ANO3: variants seen among roughly 807,000 people sequenced by gnomAD.
ANO3 encodes anoctamin 3, also known as anoctamin-3.
Under a neutral mutation model 144.8 loss-of-function variants are expected in ANO3, and 99 were observed. That is an observed-to-expected ratio of 0.68 (90% CI 0.58 to 0.81). The LOEUF is 0.81. ANO3 is among the 30% of genes least tolerant of loss of function. The pLI is 0.00. For missense variants in ANO3, 905 were observed against 1,202.2 expected (o/e 0.75, Z 3.66); for synonymous variants, 414 against 392.6 (o/e 1.05, Z -0.64).
chr11:26,407,072 G>GTATATATATATATATATATA (rs1453977441), intron 1 of ANO3, among the ~76,000 whole-genome samples: 1 of 101,426 alleles, frequency 9.9e-6, no homozygotes, highest in Non-Finnish European at 2.1e-5. Context: ...GTGTGTGTGT[G>GTATATATATATATATATATA]TGTGTATATA....
chr11:26,651,131 T>C (rs1163377309), intron 24 of ANO3, among the ~76,000 whole-genome samples: 1 of 152,156 alleles, frequency 6.6e-6, no homozygotes, highest in Non-Finnish European at 1.5e-5. Flanking sequence ...AAAAAATATG[T>C]CAATATTTGG....
At chr11:26,416,633 G>A (rs1398387757) in intron 1 of ANO3, among the ~76,000 whole-genome samples, 1 of 151,844 alleles carries the variant, frequency 6.6e-6, no homozygotes, top group Non-Finnish European at 1.5e-5. Flanking sequence ...CACCATGTTG[G>A]CCAGGATGGT....
At chr11:26,240,462 C>T (rs991466999) in intron 1 of ANO3, among the ~76,000 whole-genome samples, 43 of 152,222 alleles carry the variant, frequency 2.8e-4, no homozygotes, top group South Asian at 8.3e-4. Flanking sequence ...ATTTCAAAGA[C>T]GCTGAGTATG....
chr11:26,587,329 T>C (rs557454216), intron 14 of ANO3, among the ~76,000 whole-genome samples: 11 of 152,310 alleles, frequency 7.2e-5, no homozygotes, highest in Admixed American at 7.2e-4. Context: ...TTTCCTCCTA[T>C]GTTTATACAA....
At chr11:26,472,328 A>G (rs1042160551) in intron 4 of ANO3, among the ~76,000 whole-genome samples, 6 of 152,110 alleles carry the variant, frequency 3.9e-5, no homozygotes, top group South Asian at 2.1e-4. Flanking sequence ...ACAACAGCTA[A>G]CATTTACCAG....
At chr11:26,566,181 T>A (rs1850575824) in intron 14 of ANO3, among the ~76,000 whole-genome samples, 1 of 151,880 alleles carries the variant, frequency 6.6e-6, no homozygotes, top group South Asian at 2.1e-4. Flanking sequence ...TGGGAAAAGG[T>A]GGAAGAAAAC....
At chr11:26,562,990 A>C (rs887276887) in intron 14 of ANO3, 1 of 1,321,218 alleles carries the variant, frequency 7.6e-7, no homozygotes, top group Non-Finnish European at 1.0e-6. Flanking sequence ...GGATCAGAAT[A>C]AGTCTTTAGT....
At chr11:26,271,304 A>G (rs1035847047) in intron 1 of ANO3, among the ~76,000 whole-genome samples, 1 of 152,244 alleles carries the variant, frequency 6.6e-6, no homozygotes, top group African/African-American at 2.4e-5. Context: ...TTTGAAACAG[A>G]TACATCTTAT....
At chr11:26,563,275 A>C in intron 14 of ANO3, 2 of 1,569,230 alleles carry the variant, frequency 1.3e-6, no homozygotes, top group Non-Finnish European at 8.6e-7. Flanking sequence ...TCTACAGGAC[A>C]AAAAAAATTT....
chr11:26,352,134 T>C (rs1038130810), intron 1 of ANO3, among the ~76,000 whole-genome samples: 4 of 152,146 alleles, frequency 2.6e-5, no homozygotes, highest in Admixed American at 2.6e-4. Context: ...AAAATAAATT[T>C]TCATTAGTAA....
chr11:26,471,483 AAAT>A (rs754752961), intron 4 of ANO3, among the ~76,000 whole-genome samples: 9 of 152,126 alleles, frequency 5.9e-5, no homozygotes, highest in East Asian at 1.9e-4. Context: ...CCTTAGGATC[AAAT>A]AATAATAAGT....
chr11:26,559,934 A>G (rs1414783321), intron 14 of ANO3, 155 bp downstream of exon 14: 2 of 562,278 alleles, frequency 3.6e-6, no homozygotes, highest in Non-Finnish European at 6.3e-6. Flanking sequence ...TGCTCTCTTC[A>G]TATATTCAGT....
chr11:26,420,529 T>A (rs1012789833), intron 1 of ANO3, among the ~76,000 whole-genome samples: 13 of 152,082 alleles, frequency 8.5e-5, no homozygotes, highest in Non-Finnish European at 1.6e-4. Context: ...CAGATTTAGA[T>A]GTAGATAAGA....
intron 1 of ANO3, among the ~76,000 whole-genome samples, chr11:26,366,786 A>G (rs9735528): frequency 0.23 from 32,784 of 140,522 alleles, 4,344 homozygotes; most frequent in African/African-American, 0.36. Flanking sequence ...CTTTTGAGAA[A>G]TGTCTGTTCA....
At chr11:26,302,503 A>C (rs923137247) in intron 1 of ANO3, among the ~76,000 whole-genome samples, 2 of 152,182 alleles carry the variant, frequency 1.3e-5, no homozygotes, top group African/African-American at 4.8e-5. Flanking sequence ...CAAAATAATA[A>C]TGATAATAAA....
intron 3 of ANO3, among the ~76,000 whole-genome samples, chr11:26,451,528 G>C (rs543923880): frequency 6.6e-6 from 1 of 152,188 alleles, no homozygotes; most frequent in South Asian, 2.1e-4. Context: ...CAGCAAGGCT[G>C]GGGGAGGAGC....
chr11:26,572,031 G>T, intron 14 of ANO3: 1 of 964,886 alleles, frequency 1.0e-6, no homozygotes, highest in Non-Finnish European at 1.2e-6. Flanking sequence ...GTGACCCAAC[G>T]CACACTTACC....
chr11:26,427,069 G>T, intron 1 of ANO3: 1 of 172,144 alleles, frequency 5.8e-6, no homozygotes, highest in Non-Finnish European at 1.3e-5. Flanking sequence ...TAGTGTTTTA[G>T]CTTGTGAAAG....
intron 1 of ANO3, among the ~76,000 whole-genome samples, chr11:26,318,603 T>C (rs1422284251): frequency 6.6e-6 from 1 of 152,182 alleles, no homozygotes; most frequent in Non-Finnish European, 1.5e-5. Context: ...TGCTAAATTA[T>C]TTAGTAAGGA....
Sources: gnomAD v4.1 joint callset for allele counts (sites outside exome capture counted in the v4.1 genomes callset) on GRCh38, gnomAD v4.1.1 for gene constraint, MANE v1.5 for transcripts, NCBI Gene and HGNC (gene_info 2026-07-23, HGNC 2026-07-21) for gene names.